UXS1: variants seen among roughly 807,000 people sequenced by gnomAD.
The protein encoded by UXS1 is UDP-glucuronic acid decarboxylase 1.
In UXS1, 33 loss-of-function variants were observed where a neutral mutation model predicts 62.6. That is an observed-to-expected ratio of 0.53 (90% CI 0.40 to 0.70). UXS1 has a LOEUF of 0.70. UXS1 is among the 30% of genes least tolerant of loss of function. The probability of loss-of-function intolerance (pLI) is 0.00; values close to 1 mark genes in which losing one functional copy is unlikely to be tolerated. For synonymous variants in UXS1, 213 were observed against 206.8 expected (o/e 1.03, Z -0.26); for missense variants, 434 against 556.3 (o/e 0.78, Z 2.21).
At chr2:106,127,744 C>T (rs1467826471) in intron 7 of UXS1, among the ~76,000 whole-genome samples, 2 of 152,172 alleles carry the variant, frequency 1.3e-5, no homozygotes, top group Non-Finnish European at 2.9e-5. Flanking sequence ...ATACAAAGTC[C>T]AATTTGGGTT....
rs116396173 is a variant in UXS1, at chr2:106,100,622, C to A, written c.984+436G>T. On this transcript the variant is annotated intron_variant, in intron 12 of 14. Coordinates refer to ENST00000283148, the MANE Select transcript of UXS1 (RefSeq NM_001253875.2). ...GCTGTGGGCAGGCATGCAGGGAAGG[C>A]GAGAAGCCATGAAGGTGGTCTGTCC... Among the ~76,000 whole-genome samples, 920 of 152,274 alleles carry A rather than the reference C, an allele frequency of 6.0e-3. 10 individuals carry two copies. The highest frequency in any genetic ancestry group is 0.021 in the African/African-American group (856 of 41,552).
intron 10 of UXS1, among the ~76,000 whole-genome samples, chr2:106,109,590 C>T (rs1406428995): frequency 6.6e-6 from 1 of 152,166 alleles, no homozygotes; most frequent in Non-Finnish European, 1.5e-5. Flanking sequence ...AAAGCCTCTT[C>T]GAAAATAAAC....
At chr2:106,190,656 T>A (rs1273067804) in intron 1 of UXS1, among the ~76,000 whole-genome samples, 1 of 148,868 alleles carries the variant, frequency 6.7e-6, no homozygotes, top group Non-Finnish European at 1.5e-5. Flanking sequence ...GGCAGGAGAA[T>A]CGCTTGAACC....
At chr2:106,188,548 C>A (rs1167054579) in intron 1 of UXS1, among the ~76,000 whole-genome samples, 1 of 152,220 alleles carries the variant, frequency 6.6e-6, no homozygotes, top group Non-Finnish European at 1.5e-5. Context: ...CAGAGGAGCC[C>A]AGATCCCCCT....
At chr2:106,108,869 C>A (rs1040317248) in intron 10 of UXS1, among the ~76,000 whole-genome samples, 4 of 152,074 alleles carry the variant, frequency 2.6e-5, no homozygotes, top group Non-Finnish European at 5.9e-5. Context: ...TTCTCCTAGG[C>A]CCATTTGTGC....
intron 7 of UXS1, among the ~76,000 whole-genome samples, chr2:106,129,360 G>A (rs141391820): frequency 0.014 from 2,137 of 152,322 alleles, 23 homozygotes; most frequent in Non-Finnish European, 0.022. Context: ...GAGGAGGGGA[G>A]GGGGGCAGGC....
chr2:106,185,680 A>T (rs1302986957), intron 1 of UXS1, among the ~76,000 whole-genome samples: 2 of 152,246 alleles, frequency 1.3e-5, no homozygotes, highest in African/African-American at 4.8e-5. Context: ...TACTTGGAAA[A>T]AAGGTCTTTT....
intron 1 of UXS1, among the ~76,000 whole-genome samples, chr2:106,182,159 T>TG (rs1281814200): frequency 7.4e-4 from 112 of 152,344 alleles, no homozygotes; most frequent in African/African-American, 2.5e-3. Context: ...ATCTAAAGTA[T>TG]GGGTGTCCAA....
chr2:106,155,220 A>G (rs1558733046), intron 5 of UXS1, among the ~76,000 whole-genome samples: 1 of 152,232 alleles, frequency 6.6e-6, no homozygotes, highest in Non-Finnish European at 1.5e-5. Context: ...TCCGAACTCT[A>G]TCAACATATT....
At chr2:106,175,486 G>A (rs1052710208) in intron 1 of UXS1, among the ~76,000 whole-genome samples, 4 of 152,214 alleles carry the variant, frequency 2.6e-5, no homozygotes, top group Non-Finnish European at 4.4e-5. Context: ...GGACAGAAGT[G>A]TCTCTGTGTC....
chr2:106,121,041 G>C (rs949365578), intron 9 of UXS1, among the ~76,000 whole-genome samples: 5 of 152,182 alleles, frequency 3.3e-5, no homozygotes, highest in Non-Finnish European at 5.9e-5. Context: ...TGATGTTCCA[G>C]AGTTACTAGG....
intron 3 of UXS1, 69 bp downstream of exon 3, chr2:106,164,667 C>A: frequency 8.1e-7 from 1 of 1,227,816 alleles, no homozygotes. Context: ...AGAATGACAG[C>A]ACGAGCAAAG....
At chr2:106,151,352 A>T (rs1364162587) in intron 5 of UXS1, among the ~76,000 whole-genome samples, 1 of 152,176 alleles carries the variant, frequency 6.6e-6, no homozygotes, top group Non-Finnish European at 1.5e-5. Flanking sequence ...TTAATTCCCA[A>T]TGCAACAGTA....
At position 106,158,176 on chromosome 2, in the gene UXS1, C is replaced by A. The variant is rs1682598698; in HGVS notation, c.231-58G>T. ...GTCAAACATCTCATTTGAATATTTT[C>A]TCTGTCTACCATCAAAGCATGTGCC... On this transcript the variant is annotated intron_variant, in intron 4 of 14. Coordinates refer to ENST00000283148, the MANE Select transcript of UXS1 (RefSeq NM_001253875.2). 6 of 1,405,450 alleles carry A rather than the reference C, an allele frequency of 4.3e-6. No homozygotes were observed. The African/African-American group carries it at 4.3e-5, about 10-fold the overall frequency. 87.1% of individuals were successfully genotyped at this position (1,405,450 alleles called of 1,614,324 possible). A position where few individuals can be genotyped will look rare whatever the true frequency, so the allele number is the denominator to read the frequency against.
At chr2:106,106,651 G>A (rs1376991570) in intron 10 of UXS1, among the ~76,000 whole-genome samples, 1 of 152,176 alleles carries the variant, frequency 6.6e-6, no homozygotes, top group Non-Finnish European at 1.5e-5. Flanking sequence ...CCTCTTGGAA[G>A]CAGAGGGGAA....
chr2:106,112,719 G>C lies in UXS1; in HGVS notation c.806C>G (p.Pro269Arg), dbSNP rs1216192635. 6.2e-7 allele frequency: 1 copy of C among 1,614,014 alleles called. No homozygotes were observed. The change falls in exon 10 of 15, where the codon CCA becomes CGA. Residue 269 changes from proline to arginine, a missense_variant. By Grantham distance (103) the Pro-to-Arg change is moderately radical. Coordinates refer to ENST00000283148, the MANE Select transcript of UXS1 (RefSeq NM_001253875.2). ...RVARIFNTFGPRMHMNDGRVV... is the reference protein window; with the variant it reads ...RVARIFNTFGRRMHMNDGRVV... The stretch of plus-strand genomic sequence containing the variant: ...TCGCCCATCGTTCATGTGCATGCGT[G>C]GCCCAAAGGTGTTGAAGATTCTGGC...
chr2:106,157,051 A>G (rs1682490014), intron 5 of UXS1, among the ~76,000 whole-genome samples: 2 of 152,214 alleles, frequency 1.3e-5, no homozygotes, highest in African/African-American at 4.8e-5. Context: ...GCAAATCTAC[A>G]TGGACAAAAA....
At chr2:106,101,442 A>G (rs1027865992) in intron 11 of UXS1, 2 of 252,370 alleles carry the variant, frequency 7.9e-6, no homozygotes, top group South Asian at 9.2e-5. Context: ...AAAACTAAGC[A>G]TAAGTTAAAA....
intron 11 of UXS1, among the ~76,000 whole-genome samples, 153 bp downstream of exon 11, chr2:106,104,641 T>A (rs1210547106): frequency 6.6e-6 from 1 of 152,182 alleles, no homozygotes; most frequent in Non-Finnish European, 1.5e-5. Context: ...AACAGCAAGT[T>A]TTCCCATCAT....
Sources: allele counts gnomAD v4.1 joint callset (sites outside exome capture counted in the v4.1 genomes callset), GRCh38; gene constraint gnomAD v4.1.1; transcripts MANE v1.5; gene names NCBI Gene and HGNC (gene_info 2026-07-23, HGNC 2026-07-21).